The following MST1R variants were observed in gnomAD, a reference collection of about 807,000 sequenced individuals.
The protein encoded by MST1R is macrophage stimulating 1 receptor, also known as macrophage-stimulating protein receptor.
A neutral mutation model predicts 117.8 loss-of-function variants in MST1R; 99 were observed. The ratio of observed to expected loss-of-function variants is 0.84; its 90% CI spans 0.71 to 0.99. The LOEUF (loss-of-function observed/expected upper bound fraction) is 0.99. Ranked by LOEUF, MST1R falls within the 50% of genes least tolerant of loss-of-function variation. The probability of loss-of-function intolerance (pLI) is 0.00; values close to 1 mark genes in which losing one functional copy is unlikely to be tolerated. For synonymous variants in MST1R, 734 were observed against 765.3 expected (o/e 0.96, Z 0.68); for missense variants, 1,683 against 1,840.2 (o/e 0.91, Z 1.56).
rs916851357 is a variant in MST1R, at chr3:49,896,881, C to A, written c.2193G>T (p.Glu731Asp). Residue 731 changes from glutamate to aspartate, a missense_variant, in exon 8 of 20, where the codon GAG (glutamate) becomes GAT (aspartate). Physicochemically the swap from Glu to Asp is conservative, Grantham distance 45. Transcript: ENST00000296474. ...GTECLLARVS[E>D]GQLLCATPPG... ...GGGGTGTGGCACATAAAAGCTGCCC[C>A]TCACTGACCCTACAGGAACAAGAGA... 7 of 1,516,894 alleles carry A rather than the reference C, an allele frequency of 4.6e-6. No homozygotes were observed. The highest frequency in any genetic ancestry group is 6.2e-6 in the Non-Finnish European group (7 of 1,130,330). 94.0% of individuals were successfully genotyped at this position (1,516,894 alleles called of 1,614,324 possible).
chr3:49,898,185 C>T lies in MST1R; in HGVS notation c.1746G>A (p.Arg582=). 1 of 1,613,864 alleles carries T rather than the reference C, an allele frequency of 6.2e-7. No homozygotes were observed. Among genetic ancestry groups the T allele is most frequent in the Non-Finnish European group, 8.5e-7 (1 of 1,180,012 alleles). The change falls in exon 5 of 20, where the codon AGG becomes AGA. Residue 582 remains arginine, a synonymous_variant. Coordinates refer to ENST00000296474, the MANE Select transcript of MST1R (RefSeq NM_002447.4). ...TEFHPHSGPL[R]GSTRLTLCGS... is the part of the protein sequence containing the mutation. ...CACACAGGGTCAGCCTTGTACTGCC[C>T]CTTAGAGGTCCACTGTGGGGGTGGA...
At chr3:49,895,659 G>A in intron 12 of MST1R, 56 bp downstream of exon 12, 1 of 1,612,160 alleles carries the variant, frequency 6.2e-7, no homozygotes, top group Admixed American at 1.7e-5. Flanking sequence ...GTAGGGACTT[G>A]AAGATGCCAT....
chr3:49,903,619 C>T lies in MST1R; in HGVS notation c.-10G>A, dbSNP rs772695731. 2 of 1,552,206 alleles carry T rather than the reference C, an allele frequency of 1.3e-6. No individual in the cohort carries two copies. The highest frequency in any genetic ancestry group is 1.2e-5 in the South Asian group (1 of 81,554). The stretch of plus-strand genomic sequence containing the variant: ...GCGGGAGGAGCTCCATCGAGGCGAG[C>T]TGGGACCCTAGAGGATCCCTACCGG... On this transcript the variant is annotated 5_prime_UTR_variant, in exon 1 of 20. Transcript: ENST00000296474.
intron 18 of MST1R, 127 bp downstream of exon 18, chr3:49,890,358 C>G (rs1231119883): frequency 6.7e-6 from 7 of 1,045,916 alleles, no homozygotes; most frequent in Non-Finnish European, 9.5e-6. Context: ...AAGAGGTGAG[C>G]AGATGGGCTG....
In MST1R at chr3:49,897,332, C is replaced by T. The variant is rs1350724974; in HGVS notation, c.2131G>A (p.Val711Ile). ...ACCAGCACAGCCCGGCTGGTGCCTA[C>T]AGACAGACTCTGGCCTTCAAGAGTG... ...CLTLEGQSLS[V>I]GTSRAVLVNG... The change falls in exon 7 of 20, where the codon GTA becomes ATA. Residue 711 changes from valine to isoleucine, a missense_variant. Coordinates refer to ENST00000296474, the MANE Select transcript of MST1R (RefSeq NM_002447.4). The T allele has an allele frequency of 8.1e-6, 13 of 1,613,868 alleles. No homozygotes were observed. The highest frequency in any genetic ancestry group is 1.1e-5 in the Non-Finnish European group (13 of 1,179,926).
chr3:49,899,455 A>G, intron 1 of MST1R, 192 bp from the exon 2 acceptor site: 3 of 597,740 alleles, frequency 5.0e-6, no homozygotes, highest in Non-Finnish European at 8.7e-6. Flanking sequence ...GGCAGGGAGA[A>G]GGCCCAGGCT....
At chr3:49,901,576 C>T (rs35535754) in intron 1 of MST1R, among the ~76,000 whole-genome samples, 444 of 152,246 alleles carry the variant, frequency 2.9e-3, no homozygotes, top group African/African-American at 9.8e-3. Flanking sequence ...GTTGCTTGCA[C>T]AAGACTAGAG....
chr3:49,889,337 G>A (rs1011363950), intron 19 of MST1R, among the ~76,000 whole-genome samples: 1 of 152,188 alleles, frequency 6.6e-6, no homozygotes, highest in Non-Finnish European at 1.5e-5. Flanking sequence ...ATCCTTCTTG[G>A]AGCACAGCCT....
Position 49,895,867 on chromosome 3 carries a change from C to A in MST1R, c.2810G>T (p.Gly937Val), listed in dbSNP as rs769648755. The A allele has an allele frequency of 6.2e-7, 1 of 1,606,328 alleles. No homozygotes were observed. The highest frequency in any genetic ancestry group is 8.5e-7 in the Non-Finnish European group (1 of 1,175,654). The change falls in exon 12 of 20, where the codon GGT becomes GTT. Residue 937 changes from glycine (G) to valine (V), a missense_variant. By Grantham distance (109) the Gly-to-Val change is moderately radical. Coordinates refer to ENST00000296474, the MANE Select transcript of MST1R (RefSeq NM_002447.4). The part of the protein sequence containing the change: ...DGAPLQVCVD[G>V]ECHILGRVVR... ...CACTCTACCCAGGATATGACATTCA[C>A]CATCTACGCAGACCTGGGGGCAGGT... is the stretch of plus-strand genomic sequence containing the variant.
Position 49,895,263 on chromosome 3 carries a change from G to C in MST1R, c.3175C>G (p.Leu1059Val). 1 of 1,614,212 alleles carries C rather than the reference G, an allele frequency of 6.2e-7. No homozygotes were observed. Among genetic ancestry groups the C allele is most frequent in the Non-Finnish European group, 8.5e-7 (1 of 1,180,040 alleles). Residue 1059 changes from leucine to valine, a missense_variant, in exon 14 of 20, where the codon CTA (leucine) becomes GTA (valine). By Grantham distance (32) the Leu-to-Val change is conservative. Coordinates refer to ENST00000296474, the MANE Select transcript of MST1R (RefSeq NM_002447.4). ...VPLLRKESIQ[L>V]RDLDSALLAE... The stretch of plus-strand genomic sequence containing the variant: ...AAGAGCGCAGAGTCCAGGTCCCTTA[G>C]CTGGATGGACTCTTTCCGCAGCAGT...
At position 49,897,536 on chromosome 3, in the gene MST1R, C is replaced by T. The variant is rs377444651; in HGVS notation, c.2030G>A (p.Arg677Lys). 1.5e-5 allele frequency: 25 copies of T among 1,613,724 alleles called. No individual in the cohort carries two copies. The African/African-American group carries it at 2.7e-4, about 17-fold the overall frequency. ...TAGCCTCACCATGAAAGAGAAGCCT[C>T]TCAGCACGGAGGTGCCGTCTACCCG... ...HFRVDGTSVL[R>K]GFSFMEPVLI... The change falls in exon 6 of 20, where the codon AGA becomes AAA. Residue 677 changes from arginine to lysine, a missense_variant. Arg to Lys is a conservative substitution (Grantham distance 26). Transcript: ENST00000296474.
Position 49,896,108 on chromosome 3 carries a change from C to T in MST1R, c.2650-1G>A. 6.2e-7 allele frequency: 1 copy of T among 1,613,866 alleles called. No individual in the cohort carries two copies. The highest frequency in any genetic ancestry group is 8.5e-7 in the Non-Finnish European group (1 of 1,179,844). ...CAGCCACAGCGCCCAGCCCAATATA[C>T]TGCAGAGAGGGTCATGAGGACCAGC... On this transcript the variant is annotated splice_acceptor_variant, in intron 10 of 19. Transcript: ENST00000296474. LOFTEE classifies it high-confidence loss of function.
At chr3:49,895,407 CA>C (rs765474119) in intron 13 of MST1R, 34 bp from the exon 14 acceptor site, 14 of 1,614,058 alleles carry the variant, frequency 8.7e-6, no homozygotes, top group African/African-American at 1.3e-5. Context: ...CTTGTAGGGA[CA>C]GGGGGTGGCT....
intron 4 of MST1R, 61 bp downstream of exon 4, chr3:49,898,457 G>T: frequency 1.3e-6 from 2 of 1,574,192 alleles, no homozygotes; most frequent in South Asian, 2.3e-5. Context: ...AAGACTTGCT[G>T]ACCACCACCC....
At chr3:49,891,112 T>G (rs2082301945) in intron 17 of MST1R, 85 bp downstream of exon 17, 13 of 1,178,560 alleles carry the variant, frequency 1.1e-5, no homozygotes, top group Non-Finnish European at 1.6e-5. Flanking sequence ...AAGGCTGGAG[T>G]GGGCCCTTCC....
chr3:49,903,507 C>T lies in MST1R; in HGVS notation c.103G>A (p.Ala35Thr), dbSNP rs912994489. The T allele has an allele frequency of 2.5e-6, 4 of 1,609,902 alleles. No homozygotes were observed. The highest frequency in any genetic ancestry group is 2.2e-5 in the South Asian group (2 of 91,080). ...EDWQCPRTPY[A>T]ASRDFDVKYV... ...TTCACGTCAAAGTCGCGAGAGGCCG[C>T]GTAGGGGGTGCGCGGGCACTGCCAG... Residue 35 changes from alanine to threonine, a missense_variant, in exon 1 of 20, where the codon GCG (alanine) becomes ACG (threonine). By Grantham distance (58) the Ala-to-Thr change is moderately conservative (BLOSUM62 0). Coordinates refer to ENST00000296474, the MANE Select transcript of MST1R (RefSeq NM_002447.4).
rs2108433999 is a variant in MST1R, at chr3:49,895,516, G to A, written c.2995C>T (p.Leu999=). The part of the protein sequence containing the change: ...LPPNLNDLAS[L]DQTAGATPLP... ...GGTGTGGCTCCAGCAGTCTGGTCCA[G>A]GGATGCCAGGTCATTCAGGTTGGGA... The change falls in exon 13 of 20, where the codon CTG becomes TTG. Residue 999 remains leucine, a synonymous_variant. Transcript: ENST00000296474. 15 of 1,614,180 alleles carry A rather than the reference G, an allele frequency of 9.3e-6. No individual in the cohort carries two copies. The highest frequency in any genetic ancestry group is 1.2e-5 in the Non-Finnish European group (14 of 1,180,034).
At chr3:49,891,907 A>G (rs560549983) in intron 14 of MST1R, 69 bp from the exon 15 acceptor site, 3 of 1,300,474 alleles carry the variant, frequency 2.3e-6, no homozygotes, top group African/African-American at 1.5e-5. Flanking sequence ...ACACATTCTC[A>G]TTGGCAACCA....
chr3:49,896,144 GC>G, intron 10 of MST1R, 37 bp from the exon 11 acceptor site: 2 of 1,614,166 alleles, frequency 1.2e-6, no homozygotes, highest in Non-Finnish European at 1.7e-6. Flanking sequence ...CAGTAGGCTG[GC>G]CCCTACTTTC....
Sources: gnomAD v4.1 joint callset for allele counts (sites outside exome capture counted in the v4.1 genomes callset) on GRCh38, gnomAD v4.1.1 for gene constraint, MANE v1.5 for transcripts, NCBI Gene and HGNC (gene_info 2026-07-23, HGNC 2026-07-21) for gene names.